DST: variants seen among roughly 807,000 people sequenced by gnomAD.
DST encodes the protein bullous pemphigoid antigen.
Under a neutral mutation model 875.2 loss-of-function variants are expected in DST, and 253 were observed. The observed-to-expected ratio is 0.29, with a 90% CI of 0.26 to 0.32. The LOEUF (loss-of-function observed/expected upper bound fraction) is 0.32. DST is among the 10% of genes least tolerant of loss of function. DST has a pLI of 1.00. For synonymous variants in DST, 3,124 were observed against 3,197.1 expected, an observed-to-expected ratio of 0.98 and a Z score of 0.77; for missense variants, 8,287 against 9,111.6, an observed-to-expected ratio of 0.91 and a Z score of 3.68.
chr6:56,783,944 T>G (rs564396258), intron 4 of DST, among the ~76,000 whole-genome samples: 37 of 152,284 alleles, frequency 2.4e-4, no homozygotes, highest in East Asian at 5.8e-4. Flanking sequence ...TCTCAGCATT[T>G]GCTTGTCTGT....
chr6:56,573,043 C>A lies in DST; in HGVS notation c.13258G>T (p.Gly4420Cys). 1 of 1,575,688 alleles carries A rather than the reference C, an allele frequency of 6.3e-7. No homozygotes were observed. The highest frequency in any genetic ancestry group is 2.3e-5 in the East Asian group (1 of 44,300). The change falls in exon 52 of 104, where the codon GGT (glycine) becomes TGT (cysteine). Residue 4420 changes from glycine (G) to cysteine (C), a missense_variant. This residue lies in a region of DST where 1,513 missense variants were observed against 1,677.8 expected (regional missense o/e 0.90). Coordinates refer to ENST00000680361, the MANE Select transcript of DST (RefSeq NM_001374736.1). ...ATGGCATTTATACTGCTCTGACGACCTGCAATATCCTGTTCCAACATCTAA... is the reference window on the plus strand; with the variant it reads ...ATGGCATTTATACTGCTCTGACGACATGCAATATCCTGTTCCAACATCTAA... ...KNIMLEQDIA[G>C]RQSSINAMNE...
rs771441711 is a variant in DST, at chr6:56,473,913, T to C, written c.21954A>G (p.Leu7318=). The C allele has an allele frequency of 3.1e-6, 5 of 1,597,014 alleles. No individual in the cohort carries two copies. In the African/African-American group the frequency reaches 5.3e-5, roughly 17 times the overall value. The change falls in exon 93 of 104, where the codon TTA becomes TTG. Residue 7318 remains leucine, a synonymous_variant. Transcript: ENST00000680361. ...TATCCAAGACTGGAATATGGGATTG[T>C]AATGAGGAAGGATCAGCAGCTCTCC... The part of the protein sequence containing the change: ...YKRRAADPSS[L]QSHIPVLDKG...
At chr6:56,883,759 C>T (rs1783310962) in intron 3 of DST, among the ~76,000 whole-genome samples, 1 of 152,132 alleles carries the variant, frequency 6.6e-6, no homozygotes, top group Non-Finnish European at 1.5e-5. Context: ...TACCCCTATC[C>T]ACATTTTCTC....
At chr6:56,619,231 A>C in intron 36 of DST, 1 of 1,613,556 alleles carries the variant, frequency 6.2e-7, no homozygotes, top group South Asian at 1.1e-5. Context: ...GTTTCTCTAA[A>C]ACTATATTCT....
intron 58 of DST, among the ~76,000 whole-genome samples, chr6:56,559,233 G>T (rs1449770488): frequency 6.6e-6 from 1 of 152,028 alleles, no homozygotes; most frequent in Non-Finnish European, 1.5e-5. Context: ...CATCCAGAAG[G>T]TTTTTTGAAC....
At chr6:56,486,488 G>A (rs2095573675) in intron 87 of DST, among the ~76,000 whole-genome samples, 1 of 151,434 alleles carries the variant, frequency 6.6e-6, no homozygotes, top group African/African-American at 2.4e-5. Flanking sequence ...TTAAGATTAA[G>A]GATCAGCGGG....
chr6:56,699,122 G>A (rs1160884035), intron 9 of DST, among the ~76,000 whole-genome samples: 1 of 152,140 alleles, frequency 6.6e-6, no homozygotes, highest in Non-Finnish European at 1.5e-5. Flanking sequence ...AATTGGCTCA[G>A]GTTTATTAGA....
chr6:56,840,501 T>C (rs899033563), intron 4 of DST, among the ~76,000 whole-genome samples: 1 of 152,226 alleles, frequency 6.6e-6, no homozygotes, highest in Non-Finnish European at 1.5e-5. Context: ...TGTCCCTGAA[T>C]ATTCCATGAA....
intron 32 of DST, 136 bp from the exon 33 acceptor site, chr6:56,628,297 G>A (rs2098750720): frequency 1.3e-6 from 1 of 744,572 alleles, no homozygotes; most frequent in East Asian, 2.7e-5. Flanking sequence ...AAGAACTCAA[G>A]GCTGCAGCAC....
chr6:56,732,713 T>A (rs998752266), intron 5 of DST, among the ~76,000 whole-genome samples: 2 of 152,202 alleles, frequency 1.3e-5, no homozygotes, highest in African/African-American at 4.8e-5. Context: ...TATAGCTACA[T>A]AAATCACAAC....
intron 44 of DST, among the ~76,000 whole-genome samples, chr6:56,600,722 CTT>C (rs1418442239): frequency 2.6e-5 from 4 of 152,040 alleles, no homozygotes; most frequent in African/African-American, 9.7e-5. Context: ...ATTCTCACCT[CTT>C]TGCTCGTTAT....
At chr6:56,811,822 C>T (rs1021331051) in intron 4 of DST, among the ~76,000 whole-genome samples, 1 of 151,998 alleles carries the variant, frequency 6.6e-6, no homozygotes, top group African/African-American at 2.4e-5. Context: ...AGGCCAGGCA[C>T]AGTGGTTCAC....
intron 2 of DST, among the ~76,000 whole-genome samples, chr6:56,937,963 A>C (rs1482425076): frequency 6.6e-6 from 1 of 152,160 alleles, no homozygotes; most frequent in African/African-American, 2.4e-5. Flanking sequence ...CTATCTATAG[A>C]TACTGAAAGC....
In DST at chr6:56,607,467, A is replaced by G. The variant is rs749562706; in HGVS notation, c.7161T>C (p.Ser2387=). The G allele has an allele frequency of 3.1e-6, 5 of 1,600,574 alleles. No homozygotes were observed. The highest frequency in any genetic ancestry group is 4.3e-6 in the Non-Finnish European group (5 of 1,172,368). ...TNERANECSH[S]KNIQNFPSDL... ...CACTTGGAAAGTTTTGAATGTTTTT[A>G]GAATGACTACATTCATTTGCACGTT... Residue 2387 remains serine (S), a synonymous_variant, in exon 40 of 104, where the codon TCT becomes TCC. Transcript: ENST00000680361.
intron 69 of DST, among the ~76,000 whole-genome samples, chr6:56,522,931 T>A (rs1163210106): frequency 6.6e-6 from 1 of 152,134 alleles, no homozygotes; most frequent in Non-Finnish European, 1.5e-5. Context: ...AGTGCCTTTC[T>A]CCATTTCCAC....
chr6:56,846,868 T>C (rs1305176288), intron 4 of DST, among the ~76,000 whole-genome samples: 1 of 151,808 alleles, frequency 6.6e-6, no homozygotes, highest in African/African-American at 2.4e-5. Flanking sequence ...CCAGGCATGA[T>C]GGCACACACC....
intron 69 of DST, among the ~76,000 whole-genome samples, chr6:56,518,694 C>A (rs2096640956): frequency 1.3e-5 from 2 of 152,146 alleles, no homozygotes; most frequent in Admixed American, 1.3e-4. Flanking sequence ...AACCCCAGTG[C>A]CTCCCATGAA....
At chr6:56,509,572 T>C in intron 74 of DST, 70 bp downstream of exon 74, 1 of 1,193,912 alleles carries the variant, frequency 8.4e-7, no homozygotes, top group Admixed American at 2.0e-5. Flanking sequence ...GTTATCCAAT[T>C]GGACGGTGAG....
At chr6:56,767,143 T>C (rs1278524690) in intron 4 of DST, among the ~76,000 whole-genome samples, 1 of 152,210 alleles carries the variant, frequency 6.6e-6, no homozygotes, top group Non-Finnish European at 1.5e-5. Context: ...ATCAGCATTC[T>C]TGCACACAGC....
Sources: gnomAD v4.1 joint callset for allele counts (sites outside exome capture counted in the v4.1 genomes callset) on GRCh38, gnomAD v4.1.1 for gene constraint, gnomAD v4.1.1 regional missense constraint, MANE v1.5 for transcripts, NCBI Gene and HGNC (gene_info 2026-07-23, HGNC 2026-07-21) for gene names.